The following DAB1 variants were observed in gnomAD, a reference collection of about 807,000 sequenced individuals.
DAB1 encodes the protein disabled homolog 1.
DAB1 carries 15 observed loss-of-function variants against 64.6 expected under a neutral mutation model. That is an observed-to-expected ratio of 0.23 (90% CI 0.16 to 0.36). DAB1 has a LOEUF of 0.36. DAB1 is among the 10% of genes least tolerant of loss of function. The pLI, the probability that DAB1 is intolerant of heterozygous loss-of-function variation, is 1.00. For synonymous variants in DAB1, 235 were observed against 251.9 expected (o/e 0.93, Z 0.64); for missense variants, 596 against 706.7 (o/e 0.84, Z 1.78).
intron 5 of DAB1, among the ~76,000 whole-genome samples, chr1:58,058,825 C>T (rs1313115230): frequency 3.3e-5 from 5 of 152,236 alleles, no homozygotes; most frequent in Non-Finnish European, 7.3e-5. Flanking sequence ...CCTGAATCCT[C>T]ACACATTCAT....
intron 6 of DAB1, among the ~76,000 whole-genome samples, chr1:57,792,703 G>A (rs995519271): frequency 3.3e-5 from 5 of 152,022 alleles, no homozygotes; most frequent in African/African-American, 7.3e-5. Context: ...AACTCCTCTC[G>A]TATCATGTTG....
chr1:57,630,143 A>G (rs1645971149), intron 7 of DAB1, among the ~76,000 whole-genome samples: 1 of 152,216 alleles, frequency 6.6e-6, no homozygotes. Context: ...GAAATCACTC[A>G]GTTCTGTCAT....
intron 6 of DAB1, among the ~76,000 whole-genome samples, chr1:57,738,214 C>T (rs970277067): frequency 1.3e-5 from 2 of 152,130 alleles, no homozygotes; most frequent in African/African-American, 4.8e-5. Context: ...AAAACAGAGA[C>T]TTGAGTATTA....
intron 5 of DAB1, among the ~76,000 whole-genome samples, chr1:57,957,716 G>A (rs1033531043): frequency 2.6e-5 from 4 of 152,270 alleles, no homozygotes; most frequent in South Asian, 2.1e-4. Flanking sequence ...ATTGGTCAAC[G>A]AGGTAGAAAG....
chr1:57,427,997 G>A (rs1327292498), upstream of DAB1, among the ~76,000 whole-genome samples: 8 of 152,104 alleles, frequency 5.3e-5, no homozygotes, highest in East Asian at 5.8e-4. Context: ...GTGAAACCCC[G>A]TCTCTACTAA....
chr1:57,320,684 A>G (rs1349022467), intron 1 of DAB1, among the ~76,000 whole-genome samples: 3 of 152,040 alleles, frequency 2.0e-5, no homozygotes, highest in African/African-American at 4.8e-5. Flanking sequence ...TTTCTTTGTT[A>G]TAAAATATTA....
At chr1:57,901,378 T>C (rs892684954) in intron 5 of DAB1, among the ~76,000 whole-genome samples, 1 of 152,126 alleles carries the variant, frequency 6.6e-6, no homozygotes, top group African/African-American at 2.4e-5. Context: ...TGCAATCAGC[T>C]AGGAAGACGA....
chr1:58,125,512 G>C (rs1653011528), intron 5 of DAB1, among the ~76,000 whole-genome samples: 1 of 150,184 alleles, frequency 6.7e-6, no homozygotes, highest in Admixed American at 6.7e-5. Context: ...TGCAATCACA[G>C]CTCATTGCAG....
chr1:57,818,798 G>A (rs1215360739), intron 6 of DAB1, among the ~76,000 whole-genome samples: 2 of 150,706 alleles, frequency 1.3e-5, no homozygotes, highest in East Asian at 1.9e-4. Context: ...TAATGTGTGT[G>A]TATATATATA....
chr1:57,293,636 A>C (rs1037826950), intron 1 of DAB1, among the ~76,000 whole-genome samples: 33 of 152,194 alleles, frequency 2.2e-4, no homozygotes, highest in African/African-American at 8.0e-4. Flanking sequence ...GAGGAAATTG[A>C]TACAAGTTAA....
chr1:58,463,342 T>G (rs1321892745), intron 3 of DAB1, among the ~76,000 whole-genome samples: 1 of 152,204 alleles, frequency 6.6e-6, no homozygotes, highest in Non-Finnish European at 1.5e-5. Flanking sequence ...GTCACCTTCC[T>G]AGGGCCAGAC....
At chr1:57,732,716 C>T (rs1207394845) in intron 6 of DAB1, among the ~76,000 whole-genome samples, 2 of 151,998 alleles carry the variant, frequency 1.3e-5, no homozygotes, top group Admixed American at 6.6e-5. Flanking sequence ...GACTGCTGTC[C>T]GGGACAGGAC....
At chr1:57,695,230 AAAGAAAGG>A (rs1646809471) in intron 6 of DAB1, among the ~76,000 whole-genome samples, 2 of 137,236 alleles carry the variant, frequency 1.5e-5, no homozygotes, top group South Asian at 2.5e-4. Flanking sequence ...TTTCTCTAAG[AAAGAAAGG>A]AAGAAAGAAA....
intron 7 of DAB1, among the ~76,000 whole-genome samples, chr1:57,590,187 G>C (rs184757449): frequency 1.3e-5 from 2 of 152,068 alleles, no homozygotes; most frequent in Admixed American, 1.3e-4. Context: ...GCCTCTTCAC[G>C]TGGTCTTTCT....
At chr1:57,828,858 C>T (rs959105012) in intron 1 of DAB1, among the ~76,000 whole-genome samples, 3 of 152,164 alleles carry the variant, frequency 2.0e-5, no homozygotes, top group East Asian at 1.9e-4. Flanking sequence ...GATGACAAAC[C>T]GGTGATTTAA....
intron 6 of DAB1, among the ~76,000 whole-genome samples, chr1:57,701,446 T>A (rs1404025549): frequency 2.6e-5 from 4 of 151,882 alleles, no homozygotes; most frequent in African/African-American, 9.7e-5. Context: ...CAGCAAACTA[T>A]CGCAAGGACA....
chr1:58,402,143 T>C (rs1199200645), intron 3 of DAB1, among the ~76,000 whole-genome samples: 1 of 152,130 alleles, frequency 6.6e-6, no homozygotes, highest in East Asian at 1.9e-4. Context: ...TGGACATCTG[T>C]TGTTTTGTTC....
intron 1 of DAB1, among the ~76,000 whole-genome samples, chr1:57,310,150 T>C (rs1674551741): frequency 6.6e-6 from 1 of 152,176 alleles, no homozygotes; most frequent in South Asian, 2.1e-4. Flanking sequence ...ATACAATGTG[T>C]CAGGTATTGG....
intron 6 of DAB1, among the ~76,000 whole-genome samples, chr1:57,759,208 T>C (rs1648959137): frequency 6.6e-6 from 1 of 152,188 alleles, no homozygotes; most frequent in African/African-American, 2.4e-5. Flanking sequence ...GGTCACTGCA[T>C]GGCCCAATAG....
Sources: gnomAD v4.1 joint callset for allele counts (sites outside exome capture counted in the v4.1 genomes callset) on GRCh38, gnomAD v4.1.1 for gene constraint, MANE v1.5 for transcripts, NCBI Gene and HGNC (gene_info 2026-07-23, HGNC 2026-07-21) for gene names.